The following DIO1 variants were observed in gnomAD, a reference collection of about 807,000 sequenced individuals.
DIO1 encodes the protein iodothyronine deiodinase 1.
In DIO1, 17 loss-of-function variants were observed where a neutral mutation model predicts 25.9. That is an observed-to-expected ratio of 0.66 (90% CI 0.45 to 0.98). The LOEUF (loss-of-function observed/expected upper bound fraction) is 0.98. Among genes scored for constraint, DIO1 ranks in the 50% least tolerant of loss-of-function variants. The pLI, the probability that DIO1 is intolerant of heterozygous loss-of-function variation, is 0.00. For missense variants in DIO1, 270 were observed against 310.4 expected (o/e 0.87, Z 0.98); for synonymous variants, 115 against 114.0 (o/e 1.01, Z -0.05).
rs770341671 is a variant in DIO1, at chr1:53,894,381, C to T, written c.171C>T (p.Ser57=). 1.2e-5 allele frequency: 20 copies of T among 1,614,142 alleles called. No individual in the cohort carries two copies. Among genetic ancestry groups the T allele is most frequent in the Non-Finnish European group, 1.7e-5 (20 of 1,180,054 alleles). Residue 57 remains serine, a synonymous_variant, in exon 1 of 4, where the codon AGC becomes AGT. Transcript: ENST00000361921. The surrounding 1 kb of genome is among the most constrained non-coding windows in gnomAD (Gnocchi z 4.9). ...GTATGACCAGGAACCCCCATTTCAGCCACGACAACTGGATACCAACCTTTT... is the reference window on the plus strand; with the variant it reads ...GTATGACCAGGAACCCCCATTTCAGTCACGACAACTGGATACCAACCTTTT... ...KTGMTRNPHF[S]HDNWIPTFFS...
rs777268838 is a variant in DIO1, at chr1:53,894,369, C to T, written c.159C>T (p.Asn53=). The T allele has an allele frequency of 1.2e-6, 2 of 1,614,098 alleles. No individual in the cohort carries two copies. Among genetic ancestry groups the T allele is most frequent in the African/African-American group, 1.3e-5 (1 of 74,926 alleles). The change falls in exon 1 of 4, where the codon AAC becomes AAT. Residue 53 remains asparagine, a synonymous_variant. Coordinates refer to ENST00000361921, the MANE Select transcript of DIO1 (RefSeq NM_000792.7). The surrounding 1 kb of genome is among the most constrained non-coding windows in gnomAD (Gnocchi z 4.9). ...GCGAGAAGACGGGTATGACCAGGAA[C>T]CCCCATTTCAGCCACGACAACTGGA... The part of the protein sequence containing the change: ...AMGEKTGMTR[N]PHFSHDNWIP...
At chr1:53,898,380 T>C (rs1651187305) in intron 1 of DIO1, among the ~76,000 whole-genome samples, 1 of 152,110 alleles carries the variant, frequency 6.6e-6, no homozygotes, top group East Asian at 1.9e-4. Flanking sequence ...CAGGTTGACT[T>C]TATCCTGAGA....
intron 1 of DIO1, among the ~76,000 whole-genome samples, chr1:53,899,306 C>T (rs1651238554): frequency 6.6e-6 from 1 of 152,212 alleles, no homozygotes; most frequent in South Asian, 2.1e-4. Flanking sequence ...TCTCTGCTGA[C>T]AGATCCTGAC....
Position 53,904,766 on chromosome 1 carries a change from A to G in DIO1, c.438A>G (p.Ile146Met), listed in dbSNP as rs1230753751. 3 of 1,613,348 alleles carry G rather than the reference A, an allele frequency of 1.9e-6. No homozygotes were observed. Among genetic ancestry groups the G allele is most frequent in the Non-Finnish European group, 2.5e-6 (3 of 1,179,682 alleles). Residue 146 changes from isoleucine (I) to methionine (M), a missense_variant, in exon 2 of 4, where the codon ATA becomes ATG. Ile to Met is a conservative substitution (Grantham distance 10). Coordinates refer to ENST00000361921, the MANE Select transcript of DIO1 (RefSeq NM_000792.7). ...FKRLIEDFSS[I>M]ADFLVIYIEE... is the part of the protein sequence containing the mutation. ...GGCTTATTGAAGACTTTAGTTCCATAGCAGATTTTCTTGTCATTTACATTG... is the reference window on the plus strand; with the variant it reads ...GGCTTATTGAAGACTTTAGTTCCATGGCAGATTTTCTTGTCATTTACATTG...
intron 3 of DIO1, among the ~76,000 whole-genome samples, chr1:53,908,300 A>C (rs1651764678): frequency 1.3e-5 from 2 of 152,196 alleles, no homozygotes; most frequent in Non-Finnish European, 1.5e-5. Flanking sequence ...GGAAGACCCA[A>C]GTAAGACTAT....
chr1:53,907,198 C>A (rs1011524332), intron 3 of DIO1, among the ~76,000 whole-genome samples: 2 of 152,194 alleles, frequency 1.3e-5, no homozygotes, highest in African/African-American at 4.8e-5. Flanking sequence ...AAATGCATTT[C>A]AGGCTCCCTT....
intron 2 of DIO1, among the ~76,000 whole-genome samples, chr1:53,905,099 G>T (rs987771965): frequency 2.0e-5 from 3 of 151,708 alleles, no homozygotes; most frequent in African/African-American, 7.3e-5. Flanking sequence ...GAGAAGAACT[G>T]ATTTGAACAC....
chr1:53,902,022 G>A (rs1311863676), intron 1 of DIO1, among the ~76,000 whole-genome samples: 6 of 149,338 alleles, frequency 4.0e-5, no homozygotes. Context: ...ATGGGAGCCT[G>A]CCTGCTCTGG....
intron 3 of DIO1, among the ~76,000 whole-genome samples, chr1:53,907,184 G>A (rs187682299): frequency 6.6e-6 from 1 of 152,310 alleles, no homozygotes; most frequent in Non-Finnish European, 1.5e-5. Flanking sequence ...GGGATGTGCG[G>A]CAGAAATGCA....
intron 1 of DIO1, among the ~76,000 whole-genome samples, chr1:53,902,668 A>C (rs899914903): frequency 1.3e-5 from 2 of 151,740 alleles, no homozygotes; most frequent in Non-Finnish European, 2.9e-5. Flanking sequence ...GTAAGAAACC[A>C]CAGGAGGCCA....
intron 2 of DIO1, 67 bp downstream of exon 2, chr1:53,904,876 C>G: frequency 6.5e-7 from 1 of 1,532,344 alleles, no homozygotes; most frequent in Non-Finnish European, 8.8e-7. Context: ...TTTCCCCAGG[C>G]CCCATCTCAA....
chr1:53,904,453 TA>T (rs936604372), intron 1 of DIO1, among the ~76,000 whole-genome samples: 44 of 152,196 alleles, frequency 2.9e-4, no homozygotes, highest in Admixed American at 1.5e-3. Flanking sequence ...TGAGACCACC[TA>T]AAAAAACCTC....
At chr1:53,909,822 T>G (rs570444137) in intron 3 of DIO1, 109 bp from the exon 4 acceptor site, 161 of 1,037,332 alleles carry the variant, frequency 1.6e-4, no homozygotes, top group Non-Finnish European at 2.2e-4. Context: ...TGATGGCTCC[T>G]ACACAGACAT....
chr1:53,906,372 C>T, intron 3 of DIO1, 78 bp downstream of exon 3: 3 of 1,285,198 alleles, frequency 2.3e-6, no homozygotes, highest in Non-Finnish European at 2.2e-6. Context: ...GGCTTTGCAT[C>T]AAGCAGAACT....
intron 1 of DIO1, among the ~76,000 whole-genome samples, chr1:53,895,432 A>G (rs951323828): frequency 4.0e-5 from 6 of 151,880 alleles, no homozygotes; most frequent in African/African-American, 9.7e-5. Context: ...CAAATTTAAA[A>G]AAGTCTCAGT....
intron 1 of DIO1, among the ~76,000 whole-genome samples, chr1:53,903,566 AGGC>A (rs1651485276): frequency 6.6e-6 from 1 of 151,934 alleles, no homozygotes; most frequent in Admixed American, 6.5e-5. Context: ...TTTGTATTTC[AGGC>A]TGGGCACGGT....
Position 53,894,459 on chromosome 1 carries a change from G to A in DIO1, c.249G>A (p.Glu83=). The change falls in exon 1 of 4, where the codon GAG becomes GAA. Residue 83 remains glutamate (E), a synonymous_variant. Coordinates refer to ENST00000361921, the MANE Select transcript of DIO1 (RefSeq NM_000792.7). The surrounding 1 kb of genome is among the most constrained non-coding windows in gnomAD (Gnocchi z 4.9). ...FVLKVRWQRL[E]DTTELGGLAP... ...TGAAGGTCCGTTGGCAGCGACTAGAGGACACGACTGAGCTAGGGGGTCTGG... is the reference window on the plus strand; with the variant it reads ...TGAAGGTCCGTTGGCAGCGACTAGAAGACACGACTGAGCTAGGGGGTCTGG... 1 of 1,614,212 alleles carries A rather than the reference G, an allele frequency of 6.2e-7. No individual in the cohort carries two copies. The highest frequency in any genetic ancestry group is 8.5e-7 in the Non-Finnish European group (1 of 1,180,040).
intron 1 of DIO1, among the ~76,000 whole-genome samples, chr1:53,902,795 C>A (rs1413507543): frequency 4.0e-5 from 6 of 151,118 alleles, no homozygotes; most frequent in Non-Finnish European, 8.8e-5. Context: ...CTCAAAAGGG[C>A]CTTGTCCTTG....
At chr1:53,898,744 C>CAAAA (rs60469690) in intron 1 of DIO1, among the ~76,000 whole-genome samples, 1 of 106,596 alleles carries the variant, frequency 9.4e-6, no homozygotes, top group Admixed American at 1.0e-4. Context: ...GACTCTGTCT[C>CAAAA]AAAAAAAAAA....
Sources: gnomAD v4.1 joint callset for allele counts (sites outside exome capture counted in the v4.1 genomes callset) on GRCh38, gnomAD v4.1.1 for gene constraint, Gnocchi (gnomAD v3.1) non-coding constraint, MANE v1.5 for transcripts, NCBI Gene and HGNC (gene_info 2026-07-23, HGNC 2026-07-21) for gene names.